The following TXN2 variants were observed in gnomAD, a reference collection of about 807,000 sequenced individuals.
TXN2 encodes the protein thioredoxin, mitochondrial.
Under a neutral mutation model 14.6 loss-of-function variants are expected in TXN2, and 12 were observed. The ratio of observed to expected loss-of-function variants is 0.82; its 90% CI spans 0.53 to 1.33. TXN2 has a LOEUF of 1.33. Ranked by LOEUF, TXN2 falls within the 40% of genes most tolerant of loss-of-function variation. The pLI is 0.00. For synonymous variants in TXN2, 89 were observed against 81.0 expected (o/e 1.10, Z -0.53); for missense variants, 173 against 207.7 (o/e 0.83, Z 1.03).
Position 36,480,701 on chromosome 22 carries a change from G to C in TXN2, c.137C>G (p.Pro46Arg). ...GGTGTATATTGTCCGGGCTGGGTTG[G>C]GTGTTACAGTCAGGCCACCAGGACT... ...QCSPGGLTVT[P>R]NPARTIYTTR... Residue 46 changes from proline (P) to arginine (R), a missense_variant, in exon 2 of 4, where the codon CCC becomes CGC. Coordinates refer to ENST00000216185, the MANE Select transcript of TXN2 (RefSeq NM_012473.4). The C allele has an allele frequency of 6.2e-7, 1 of 1,614,136 alleles. No individual in the cohort carries two copies. The highest frequency in any genetic ancestry group is 1.3e-5 in the African/African-American group (1 of 75,042).
At chr22:36,479,019 T>C (rs1445860941) in intron 2 of TXN2, among the ~76,000 whole-genome samples, 1 of 152,122 alleles carries the variant, frequency 6.6e-6, no homozygotes, top group Non-Finnish European at 1.5e-5. Flanking sequence ...CCTAGCACTT[T>C]GGGAGGCCAA....
chr22:36,479,265 A>G (rs1933448687), intron 2 of TXN2, among the ~76,000 whole-genome samples: 1 of 152,148 alleles, frequency 6.6e-6, no homozygotes, highest in African/African-American at 2.4e-5. Context: ...GGTGAGTCAG[A>G]GAAACAACTG....
chr22:36,473,348 C>G (rs1933321166), intron 3 of TXN2, among the ~76,000 whole-genome samples: 1 of 152,170 alleles, frequency 6.6e-6, no homozygotes, highest in Non-Finnish European at 1.5e-5. Flanking sequence ...GAGGCTGAGG[C>G]AGGAGAATCG....
intron 3 of TXN2, among the ~76,000 whole-genome samples, chr22:36,473,335 C>T (rs958346435): frequency 2.6e-5 from 4 of 152,170 alleles, no homozygotes; most frequent in African/African-American, 9.6e-5. Context: ...CCCAGCTACT[C>T]GGGAGGCTGA....
At chr22:36,469,567 G>A (rs1363021219) in intron 3 of TXN2, among the ~76,000 whole-genome samples, 1 of 152,214 alleles carries the variant, frequency 6.6e-6, no homozygotes, top group Non-Finnish European at 1.5e-5. Context: ...TGTGGAACGT[G>A]GATGAGGCTG....
At chr22:36,468,885 T>C (rs1408912824) in intron 3 of TXN2, among the ~76,000 whole-genome samples, 1 of 151,410 alleles carries the variant, frequency 6.6e-6, no homozygotes, top group African/African-American at 2.4e-5. Context: ...CTACTGAAAA[T>C]ACAAAAATTA....
intron 3 of TXN2, among the ~76,000 whole-genome samples, chr22:36,472,529 G>C (rs920263313): frequency 6.6e-6 from 1 of 152,110 alleles, no homozygotes; most frequent in African/African-American, 2.4e-5. Context: ...CTGGGCATGC[G>C]GGAGGACAGG....
intron 3 of TXN2, among the ~76,000 whole-genome samples, chr22:36,472,519 C>G (rs62229971): frequency 0.11 from 16,488 of 152,110 alleles, 1,209 homozygotes; most frequent in African/African-American, 0.2. Flanking sequence ...GTGTGGGAGG[C>G]TGGGCATGCG....
Position 36,472,388 on chromosome 22 carries a change from C to T in TXN2, c.387+4345G>A, listed in dbSNP as rs1789973697. ...CCGGCTATGACACATTTGTCCAAAC[C>T]CACAGCAGGCACAACACCAAGAGTG... On this transcript the variant is annotated intron_variant, in intron 3 of 3. Transcript: ENST00000216185. 2.0e-5 allele frequency among the ~76,000 whole-genome samples: 3 copies of T among 152,040 alleles called. No homozygotes were observed. The South Asian group carries it at 6.2e-4, about 32-fold the overall frequency.
At chr22:36,470,943 T>C (rs2145820763) in intron 3 of TXN2, among the ~76,000 whole-genome samples, 2 of 152,068 alleles carry the variant, frequency 1.3e-5, no homozygotes, top group South Asian at 4.2e-4. Flanking sequence ...TATTTTGAAG[T>C]TGAGCTTAAA....
chr22:36,468,048 A>T (rs1603486915), intron 3 of TXN2, 131 bp from the exon 4 acceptor site: 1 of 738,794 alleles, frequency 1.4e-6, no homozygotes, highest in Non-Finnish European at 2.3e-6. Flanking sequence ...GGGCAGGCCT[A>T]GAGGAACATG....
In TXN2 at chr22:36,481,624, C is replaced by A; in HGVS notation, c.-61G>T. 1 of 979,876 alleles carries A rather than the reference C, an allele frequency of 1.0e-6. No individual in the cohort carries two copies. 60.7% of individuals were successfully genotyped at this position (979,876 alleles called of 1,614,324 possible). The stretch of plus-strand genomic sequence containing the variant: ...GCCCTCCCTGCCTGTCAAGGGCACG[C>A]CTGTCGTCACTTCCTCGGGGGGGGA... On this transcript the variant is annotated 5_prime_UTR_variant, in exon 1 of 4. Transcript: ENST00000216185.
At chr22:36,475,405 G>A (rs1005477095) in intron 3 of TXN2, among the ~76,000 whole-genome samples, 1 of 152,150 alleles carries the variant, frequency 6.6e-6, no homozygotes, top group African/African-American at 2.4e-5. Flanking sequence ...TGCCTCATAC[G>A]CAGTACTCCC....
chr22:36,468,736 G>A (rs1221340274), intron 3 of TXN2: 1 of 437,034 alleles, frequency 2.3e-6, no homozygotes, highest in East Asian at 7.4e-5. Flanking sequence ...AAAAGAGAAA[G>A]ATTTGAGTAT....
At chr22:36,476,311 G>T (rs555164419) in intron 3 of TXN2, among the ~76,000 whole-genome samples, 8 of 152,136 alleles carry the variant, frequency 5.3e-5, no homozygotes, top group Admixed American at 5.2e-4. Context: ...TCGAAAAACC[G>T]GCTGGGCGCA....
chr22:36,470,145 A>G (rs577351075), intron 3 of TXN2, among the ~76,000 whole-genome samples: 1 of 152,302 alleles, frequency 6.6e-6, no homozygotes, highest in African/African-American at 2.4e-5. Flanking sequence ...AACCATGCAC[A>G]TGGTAGTTAG....
intron 2 of TXN2, among the ~76,000 whole-genome samples, chr22:36,479,865 G>A (rs192308611): frequency 2.0e-5 from 3 of 151,818 alleles, no homozygotes; most frequent in East Asian, 1.9e-4. Flanking sequence ...TGGGCACCAC[G>A]GTAGTGACAC....
chr22:36,475,811 A>C (rs1202337862), intron 3 of TXN2, among the ~76,000 whole-genome samples: 1 of 152,198 alleles, frequency 6.6e-6, no homozygotes, highest in Non-Finnish European at 1.5e-5. Context: ...ATAAACAGAC[A>C]AACCAACCAA....
rs949568866 is a variant in TXN2 at position 36,467,415 on chromosome 22, G to A, written c.*389C>T. On this transcript the variant is annotated 3_prime_UTR_variant, in exon 4 of 4. Transcript: ENST00000216185. ...TTTTACAAAACAGCAGCTGGAAAGA[G>A]AAATGTAGGTGGCAGACGAGCCAGG... is the stretch of plus-strand genomic sequence containing the variant. The A allele has an allele frequency of 5.1e-6, 1 of 196,050 alleles. No individual in the cohort carries two copies. Among genetic ancestry groups the A allele is most frequent in the African/African-American group, 2.3e-5 (1 of 42,950 alleles). The allele number at this position is 196,050 out of a possible 1,614,324, so 12.1% of individuals were successfully genotyped here. A position where few individuals can be genotyped will look rare whatever the true frequency, so the allele number is the denominator to read the frequency against.
Sources: allele counts gnomAD v4.1 joint callset (sites outside exome capture counted in the v4.1 genomes callset), GRCh38; gene constraint gnomAD v4.1.1; transcripts MANE v1.5; gene names NCBI Gene and HGNC (gene_info 2026-07-23, HGNC 2026-07-21).